CELF5: variants seen among roughly 807,000 people sequenced by gnomAD.
CELF5 encodes CUG-BP and ETR-3 like factor 5.
Under a neutral mutation model 54.9 loss-of-function variants are expected in CELF5, and 6 were observed. That is an observed-to-expected ratio of 0.11 (90% CI 0.06 to 0.22). The LOEUF is 0.22. Ranked by LOEUF, CELF5 falls within the 10% of genes least tolerant of loss-of-function variation. The pLI, the probability that CELF5 is intolerant of heterozygous loss-of-function variation, is 1.00. For missense variants in CELF5, 401 were observed against 678.6 expected (o/e 0.59, Z 4.54); for synonymous variants, 271 against 290.9 (o/e 0.93, Z 0.70).
chr19:3,261,632 C>A (rs924639746), intron 2 of CELF5, among the ~76,000 whole-genome samples: 3 of 151,882 alleles, frequency 2.0e-5, no homozygotes, highest in Non-Finnish European at 4.4e-5. Context: ...CCCACTTGGG[C>A]AACATAGAGA....
Position 3,275,747 on chromosome 19 carries a change from C to T in CELF5, c.395-109C>T, listed in dbSNP as rs2080037798. The T allele has an allele frequency of 1.7e-6, 2 of 1,206,152 alleles. No individual in the cohort carries two copies. Among genetic ancestry groups the T allele is most frequent in the Admixed American group, 2.8e-5 (1 of 35,302 alleles). 74.7% of individuals were successfully genotyped at this position (1,206,152 alleles called of 1,614,324 possible). The stretch of plus-strand genomic sequence containing the variant: ...AGAACCGGAGCCGGCAGGGCCCGGG[C>T]GCCGCGTCTTCCTGCCCTGCCGCCT... On this transcript the variant is annotated intron_variant, in intron 3 of 12. Coordinates refer to ENST00000292672, the MANE Select transcript of CELF5 (RefSeq NM_021938.4). This position sits in a 1 kb window ranked among gnomAD's most constrained non-coding sequence, Gnocchi z 6.7.
chr19:3,250,880 G>GCCGTATC, intron 1 of CELF5, 105 bp from the exon 2 acceptor site: 1 of 717,674 alleles, frequency 1.4e-6, no homozygotes, highest in South Asian at 1.7e-5. Flanking sequence ...TGCATCTGTG[G>GCCGTATC]ATGGAAGCTT....
rs1232192191 is a variant in CELF5, at chr19:3,225,017, C to A, written c.259+19C>A. ...CACAAAGGTGGGCGCCCGGCCCCCT[C>A]CCCCCTCTCCCCCTCCCTCCGCCTC... On this transcript the variant is annotated intron_variant, in intron 1 of 12. Transcript: ENST00000292672. 2.5e-6 allele frequency: 3 copies of A among 1,222,228 alleles called. No homozygotes were observed. The highest frequency in any genetic ancestry group is 3.3e-6 in the Non-Finnish European group (3 of 914,766). 75.7% of individuals were successfully genotyped at this position (1,222,228 alleles called of 1,614,324 possible).
intron 2 of CELF5, among the ~76,000 whole-genome samples, chr19:3,255,995 G>C (rs1197808305): frequency 6.8e-6 from 1 of 147,046 alleles, no homozygotes; most frequent in African/African-American, 2.5e-5. Flanking sequence ...AACCCAGGAG[G>C]CAGAGGTTGC....
At chr19:3,285,593 T>C (rs1243987367) in intron 9 of CELF5, among the ~76,000 whole-genome samples, 1 of 130,276 alleles carries the variant, frequency 7.7e-6, no homozygotes, top group African/African-American at 2.9e-5. Context: ...CTCTGGACTG[T>C]CCTGTAGCCT....
chr19:3,252,939 T>C (rs527339246), intron 2 of CELF5, among the ~76,000 whole-genome samples: 2 of 151,594 alleles, frequency 1.3e-5, no homozygotes, highest in African/African-American at 4.8e-5. Context: ...GATGTGACAT[T>C]TGAGAAAAAA....
At chr19:3,236,842 G>A (rs1400103434) in intron 1 of CELF5, among the ~76,000 whole-genome samples, 1 of 151,746 alleles carries the variant, frequency 6.6e-6, no homozygotes, top group Non-Finnish European at 1.5e-5. Context: ...AAAACTAGCT[G>A]GGTGTGGTGG....
intron 1 of CELF5, among the ~76,000 whole-genome samples, chr19:3,236,111 A>G (rs1917589639): frequency 2.6e-5 from 4 of 152,164 alleles, no homozygotes; most frequent in Admixed American, 2.6e-4. Context: ...TGGAGGCAGC[A>G]TGGTTGACAT....
At chr19:3,250,884 G>GCCGTATCATTCA in intron 1 of CELF5, 101 bp from the exon 2 acceptor site, 1 of 583,602 alleles carries the variant, frequency 1.7e-6, no homozygotes. Context: ...TCTGTGGATG[G>GCCGTATCATTCA]AAGCTTGGGT....
At chr19:3,258,227 G>A (rs912046802) in intron 2 of CELF5, among the ~76,000 whole-genome samples, 8 of 152,016 alleles carry the variant, frequency 5.3e-5, no homozygotes, top group African/African-American at 1.9e-4. Context: ...CAATATGCTG[G>A]GATTACAGGC....
intron 1 of CELF5, among the ~76,000 whole-genome samples, chr19:3,236,850 TGGCG>T (rs532854409): frequency 1.2e-3 from 185 of 150,936 alleles, no homozygotes; most frequent in African/African-American, 4.4e-3. Context: ...CTGGGTGTGG[TGGCG>T]GGCCTGCACC....
intron 12 of CELF5, 114 bp downstream of exon 12, chr19:3,293,600 G>T (rs2080388073): frequency 2.3e-6 from 2 of 881,468 alleles, no homozygotes; most frequent in East Asian, 5.3e-5. Context: ...GCTTCAAGAG[G>T]CTACAAGAAA....
At chr19:3,248,755 C>T (rs1028151349) in intron 1 of CELF5, among the ~76,000 whole-genome samples, 14 of 152,070 alleles carry the variant, frequency 9.2e-5, no homozygotes, top group African/African-American at 3.1e-4. Flanking sequence ...TGCTGGCTTC[C>T]GTGGTAATTT....
At chr19:3,251,850 T>C (rs887671147) in intron 2 of CELF5, among the ~76,000 whole-genome samples, 1 of 151,930 alleles carries the variant, frequency 6.6e-6, no homozygotes, top group African/African-American at 2.4e-5. Flanking sequence ...AATTTTTGTA[T>C]TTTTAGTAGA....
chr19:3,244,848 C>A (rs2079541980), intron 1 of CELF5, among the ~76,000 whole-genome samples: 1 of 136,830 alleles, frequency 7.3e-6, no homozygotes, highest in Admixed American at 7.3e-5. Context: ...TGCATCTGTG[C>A]ATGTGTGTGT....
chr19:3,248,853 T>TTC (rs2079603439), intron 1 of CELF5, among the ~76,000 whole-genome samples: 231 of 118,884 alleles, frequency 1.9e-3, no homozygotes, highest in African/African-American at 5.8e-3. Context: ...TTTCTTTCTT[T>TTC]CTTCCTTCCT....
chr19:3,281,075 T>C lies in CELF5; in HGVS notation c.604-124T>C, dbSNP rs898990164. 5.0e-6 allele frequency: 6 copies of C among 1,196,570 alleles called. 1 individual carries two copies. The highest frequency in any genetic ancestry group is 2.7e-5 in the South Asian group (2 of 72,736). 74.1% of individuals were successfully genotyped at this position (1,196,570 alleles called of 1,614,324 possible). ...CTCCTGGGGTGGGGGCCCGTGGACA[T>C]GGCTGACAGCCACTGGCATTACACC... On this transcript the variant is annotated intron_variant, in intron 5 of 12. Coordinates refer to ENST00000292672, the MANE Select transcript of CELF5 (RefSeq NM_021938.4). This position sits in a 1 kb window ranked among gnomAD's most constrained non-coding sequence, Gnocchi z 6.5.
At position 3,281,236 on chromosome 19, in the gene CELF5, C is replaced by T; in HGVS notation, c.641C>T (p.Thr214Met). 6.2e-7 allele frequency: 1 copy of T among 1,610,004 alleles called. No individual in the cohort carries two copies. The highest frequency in any genetic ancestry group is 8.5e-7 in the Non-Finnish European group (1 of 1,179,618). ...AGCCTGGTGGTCAAGTTCGCCGACACGGACAAGGAGCGGACGCTCCGGCGC... is the reference window on the plus strand; with the variant it reads ...AGCCTGGTGGTCAAGTTCGCCGACATGGACAAGGAGCGGACGCTCCGGCGC... ...SSSLVVKFADTDKERTLRRMQ... is the reference protein window; with the variant it reads ...SSSLVVKFADMDKERTLRRMQ... The change falls in exon 6 of 13, where the codon ACG (threonine) becomes ATG (methionine). Residue 214 changes from threonine to methionine, a missense_variant. Coordinates refer to ENST00000292672, the MANE Select transcript of CELF5 (RefSeq NM_021938.4). The surrounding 1 kb of genome is among the most constrained non-coding windows in gnomAD (Gnocchi z 6.5).
At chr19:3,265,742 G>A (rs2079872543) in intron 2 of CELF5, among the ~76,000 whole-genome samples, 2 of 152,158 alleles carry the variant, frequency 1.3e-5, no homozygotes, top group African/African-American at 4.8e-5. Context: ...TAGCCAACAA[G>A]CAGCCCAGGC....
Sources: gnomAD v4.1 joint callset for allele counts (sites outside exome capture counted in the v4.1 genomes callset) on GRCh38, gnomAD v4.1.1 for gene constraint, Gnocchi (gnomAD v3.1) non-coding constraint, MANE v1.5 for transcripts, NCBI Gene and HGNC (gene_info 2026-07-23, HGNC 2026-07-21) for gene names.